PCDH15: variants seen among roughly 807,000 people sequenced by gnomAD.
PCDH15 encodes protocadherin-15.
PCDH15 carries 129 observed loss-of-function variants against 178.5 expected under a neutral mutation model. The ratio of observed to expected loss-of-function variants is 0.72; its 90% CI spans 0.63 to 0.84. The LOEUF (loss-of-function observed/expected upper bound fraction) is 0.84. PCDH15 is among the 40% of genes least tolerant of loss of function. PCDH15 has a pLI of 0.00. For synonymous variants in PCDH15, 800 were observed against 732.0 expected, an observed-to-expected ratio of 1.09 and a Z score of -1.50; for missense variants, 2,230 against 2,099.9, an observed-to-expected ratio of 1.06 and a Z score of -1.21.
At chr10:53,955,149 A>G (rs2087486419) in intron 23 of PCDH15, among the ~76,000 whole-genome samples, 1 of 152,270 alleles carries the variant, frequency 6.6e-6, no homozygotes, top group Non-Finnish European at 1.5e-5. Flanking sequence ...GAAATGTGCA[A>G]TTCTCACCTC....
chr10:54,726,038 T>TA (rs2132573087), intron 1 of PCDH15, among the ~76,000 whole-genome samples: 1 of 151,786 alleles, frequency 6.6e-6, no homozygotes, highest in East Asian at 1.9e-4. Context: ...TCTGCCTCTC[T>TA]AAAAAGGACT....
chr10:55,446,999 G>A (rs1394370304), intron 2 of PCDH15, among the ~76,000 whole-genome samples: 4 of 152,026 alleles, frequency 2.6e-5, no homozygotes, highest in African/African-American at 9.7e-5. Context: ...AGATAAAACA[G>A]AAGTCATAAA....
At chr10:55,613,408 T>C (rs1219015718) in intron 2 of PCDH15, among the ~76,000 whole-genome samples, 1 of 152,146 alleles carries the variant, frequency 6.6e-6, no homozygotes, top group African/African-American at 2.4e-5. Flanking sequence ...ACACCACTTT[T>C]AGACTTTCAA....
intron 2 of PCDH15, among the ~76,000 whole-genome samples, chr10:55,161,251 A>C (rs1203751681): frequency 3.3e-5 from 5 of 152,192 alleles, no homozygotes; most frequent in Non-Finnish European, 7.4e-5. Context: ...TTTCTCAAGA[A>C]TGAGAATAAG....
rs77519415 is a variant in PCDH15 at position 55,001,101 on chromosome 10, G to A, written c.-79-103601C>T. ...CTTCTGAGAGCTAGACATTCACAGGGACAACTTGCCTGTGGAAAGGAGCTA... is the reference window on the plus strand; with the variant it reads ...CTTCTGAGAGCTAGACATTCACAGGAACAACTTGCCTGTGGAAAGGAGCTA... On this transcript the variant is annotated intron_variant, in intron 2 of 5. Transcript: ENST00000458638. 2.1e-3 allele frequency among the ~76,000 whole-genome samples: 319 copies of A among 152,170 alleles called. 11 individuals are homozygous for A. In the East Asian group the frequency reaches 0.051, roughly 25 times the overall value.
chr10:54,181,379 T>C (rs955808982), intron 13 of PCDH15, among the ~76,000 whole-genome samples: 1 of 152,186 alleles, frequency 6.6e-6, no homozygotes, highest in Admixed American at 6.5e-5. Context: ...ACTATATTTA[T>C]TTTATTTTAT....
chr10:55,621,018 T>A (rs1843580293), intron 2 of PCDH15, among the ~76,000 whole-genome samples: 1 of 151,826 alleles, frequency 6.6e-6, no homozygotes, highest in Non-Finnish European at 1.5e-5. Flanking sequence ...GTTCTGAATA[T>A]ATATATATTA....
At chr10:55,300,997 T>C (rs940780264) in intron 1 of PCDH15, among the ~76,000 whole-genome samples, 1 of 152,204 alleles carries the variant, frequency 6.6e-6, no homozygotes, top group Non-Finnish European at 1.5e-5. Context: ...TTAAAACATG[T>C]ACCTTTTGAA....
chr10:54,020,006 T>C (rs1284745222), intron 20 of PCDH15, among the ~76,000 whole-genome samples, 186 bp downstream of exon 20: 1 of 152,106 alleles, frequency 6.6e-6, no homozygotes, highest in Non-Finnish European at 1.5e-5. Flanking sequence ...TTATCTTTTA[T>C]AGTCAAAAAT....
At chr10:55,287,339 AT>A (rs1419519661) in intron 1 of PCDH15, among the ~76,000 whole-genome samples, 1 of 152,068 alleles carries the variant, frequency 6.6e-6, no homozygotes, top group African/African-American at 2.4e-5. Context: ...CTAACATTTA[AT>A]AAGCATTAAA....
At chr10:54,580,822 T>C (rs1190809967) in intron 2 of PCDH15, among the ~76,000 whole-genome samples, 1 of 151,982 alleles carries the variant, frequency 6.6e-6, no homozygotes, top group Non-Finnish European at 1.5e-5. Context: ...ATTCACCACA[T>C]AAACAAAATT....
intron 1 of PCDH15, among the ~76,000 whole-genome samples, chr10:55,258,206 G>A (rs1347544299): frequency 6.6e-6 from 1 of 152,132 alleles, no homozygotes; most frequent in African/African-American, 2.4e-5. Context: ...AGTATTTTAA[G>A]AAAACTATAA....
chr10:54,917,812 A>C (rs944139469), intron 2 of PCDH15, among the ~76,000 whole-genome samples: 2 of 152,226 alleles, frequency 1.3e-5, no homozygotes, highest in Admixed American at 6.5e-5. Flanking sequence ...TTTCCTTGAC[A>C]AATTTGTGCA....
chr10:55,401,852 A>T (rs1838078702), intron 2 of PCDH15, among the ~76,000 whole-genome samples: 1 of 152,090 alleles, frequency 6.6e-6, no homozygotes, highest in African/African-American at 2.4e-5. Context: ...ATTAAGAGCT[A>T]CAGTTCTCAT....
intron 21 of PCDH15, among the ~76,000 whole-genome samples, chr10:53,973,783 G>A (rs2089961437): frequency 6.6e-6 from 1 of 152,098 alleles, no homozygotes; most frequent in African/African-American, 2.4e-5. Flanking sequence ...CTCCTTCACT[G>A]CTGAAGACAG....
chr10:54,881,663 T>A (rs1281622886), intron 3 of PCDH15, among the ~76,000 whole-genome samples: 3 of 152,124 alleles, frequency 2.0e-5, no homozygotes, highest in Non-Finnish European at 4.4e-5. Flanking sequence ...TGATACTGTC[T>A]ACCTCAAAAA....
At chr10:54,730,184 G>A (rs906562367) in intron 1 of PCDH15, among the ~76,000 whole-genome samples, 1 of 151,584 alleles carries the variant, frequency 6.6e-6, no homozygotes, top group African/African-American at 2.4e-5. Context: ...TAAAGAAAAT[G>A]TCATACATAT....
intron 2 of PCDH15, among the ~76,000 whole-genome samples, chr10:55,070,716 C>T (rs1369537685): frequency 6.6e-6 from 1 of 152,108 alleles, no homozygotes; most frequent in Non-Finnish European, 1.5e-5. Flanking sequence ...AGCGTGATGC[C>T]TTCAGCTTTG....
chr10:53,991,936 A>G (rs1437323408), intron 21 of PCDH15, among the ~76,000 whole-genome samples: 1 of 152,078 alleles, frequency 6.6e-6, no homozygotes, highest in Non-Finnish European at 1.5e-5. Flanking sequence ...CAGGCTGCCC[A>G]AGCCAGCAGC....
Sources: gnomAD v4.1 joint callset for allele counts (sites outside exome capture counted in the v4.1 genomes callset) on GRCh38, gnomAD v4.1.1 for gene constraint, MANE v1.5 for transcripts, NCBI Gene and HGNC (gene_info 2026-07-23, HGNC 2026-07-21) for gene names.